TACC2: variants seen among roughly 807,000 people sequenced by gnomAD.
The protein encoded by TACC2 is transforming acidic coiled-coil-containing protein 2.
Under a neutral mutation model 227.3 loss-of-function variants are expected in TACC2, and 137 were observed. The observed-to-expected ratio is 0.60, with a 90% CI of 0.52 to 0.69. TACC2 has a LOEUF of 0.69. Among genes scored for constraint, TACC2 ranks in the 30% least tolerant of loss-of-function variants. TACC2 has a pLI of 0.00. For synonymous variants in TACC2, 1,523 were observed against 1,487.5 expected, an observed-to-expected ratio of 1.02 and a Z score of -0.55; for missense variants, 3,470 against 3,694.4, an observed-to-expected ratio of 0.94 and a Z score of 1.57.
intron 3 of TACC2, among the ~76,000 whole-genome samples, chr10:122,054,606 T>C (rs1436109704): frequency 6.6e-6 from 1 of 152,236 alleles, no homozygotes; most frequent in African/African-American, 2.4e-5. Flanking sequence ...TCAAAAATTG[T>C]TGGTCATTGG....
In TACC2 at chr10:122,083,784, T is replaced by A; in HGVS notation, c.1284T>A (p.Ala428=). The A allele has an allele frequency of 6.2e-7, 1 of 1,614,170 alleles. No individual in the cohort carries two copies. The highest frequency in any genetic ancestry group is 8.5e-7 in the Non-Finnish European group (1 of 1,180,040). ...PASSLASFPA[A]QIPIAVEEPG... ...CAAGCCTCGCTTCATTCCCAGCTGC[T>A]CAGATTCCTATTGCTGTAGAAGAAC... is the stretch of plus-strand genomic sequence containing the variant. Residue 428 remains alanine (A), a synonymous_variant, in exon 4 of 23, where the codon GCT becomes GCA. Transcript: ENST00000369005.
At position 122,050,862 on chromosome 10, in the gene TACC2, G is replaced by T. The variant is rs1368929372; in HGVS notation, c.146+312G>T. 3.3e-6 allele frequency: 1 copy of T among 303,976 alleles called. No individual in the cohort carries two copies. Among genetic ancestry groups the T allele is most frequent in the Non-Finnish European group, 6.1e-6 (1 of 163,192 alleles). 18.8% of individuals were successfully genotyped at this position (303,976 alleles called of 1,614,324 possible). ...TGGAAAACATCAAGGGTTCCCAGGG[G>T]TTTATCAGTGTCTAATCCGTGGCTA... On this transcript the variant is annotated intron_variant, in intron 3 of 22. Coordinates refer to ENST00000369005, the MANE Select transcript of TACC2 (RefSeq NM_206862.4). This position sits in a 1 kb window ranked among gnomAD's most constrained non-coding sequence, Gnocchi z 4.6.
intron 18 of TACC2, chr10:122,241,521 A>C (rs986431655): frequency 5.8e-6 from 1 of 171,046 alleles, no homozygotes; most frequent in Non-Finnish European, 1.3e-5. Context: ...GAACTCTTGG[A>C]CTCAGGCAAA....
Position 122,087,679 on chromosome 10 carries a change from G to T in TACC2, c.5179G>T (p.Ala1727Ser), listed in dbSNP as rs528054480. ...ATGTGCGTCCGGTGATCTGCCTGAA[G>T]CAGGTACTACGAGGACATTCTCCGT... ...QACASGDLPE[A>S]GTTRTFSVVA... Residue 1727 changes from alanine to serine, a missense_variant, in exon 4 of 23, where the codon GCA becomes TCA. This residue lies in a region of TACC2 where 1,924 missense variants were observed against 1,978.3 expected (regional missense o/e 0.97). Coordinates refer to ENST00000369005, the MANE Select transcript of TACC2 (RefSeq NM_206862.4). 1 of 1,613,362 alleles carries T rather than the reference G, an allele frequency of 6.2e-7. No homozygotes were observed. The highest frequency in any genetic ancestry group is 1.7e-5 in the Admixed American group (1 of 60,028).
chr10:122,112,074 G>C (rs1451285580), intron 5 of TACC2, among the ~76,000 whole-genome samples: 1 of 152,148 alleles, frequency 6.6e-6, no homozygotes, highest in Non-Finnish European at 1.5e-5. Flanking sequence ...GTTTCTTTAA[G>C]AGGAGGAAAG....
In TACC2 at chr10:122,210,924, G is replaced by A; in HGVS notation, c.6499G>A (p.Glu2167Lys). ...PDEESLVPSG[E>K]NLASETKTES... ...TGAAGAGAGCCTTGTCCCCAGTGGG[G>A]AGAATCTAGCATCTGAGACGAAAAC... Residue 2167 changes from glutamate (E) to lysine (K), a missense_variant, in exon 9 of 23, where the codon GAG becomes AAG. By Grantham distance (56) the Glu-to-Lys change is moderately conservative (BLOSUM62 1). Around this residue, in one of 10 missense-constraint regions of TACC2, gnomAD observed 593 missense variants for 636.6 expected, o/e 0.93. Transcript: ENST00000369005. This position sits in a 1 kb window ranked among gnomAD's most constrained non-coding sequence, Gnocchi z 4.6. The A allele has an allele frequency of 6.2e-7, 1 of 1,613,940 alleles. No homozygotes were observed. The highest frequency in any genetic ancestry group is 1.3e-5 in the African/African-American group (1 of 74,970).
chr10:122,073,522 ATTC>A (rs1182103351), intron 3 of TACC2, among the ~76,000 whole-genome samples: 1 of 152,168 alleles, frequency 6.6e-6, no homozygotes, highest in Non-Finnish European at 1.5e-5. Flanking sequence ...GTCCTTACCA[ATTC>A]TTCTTTTAAT....
Position 122,086,940 on chromosome 10 carries a change from A to G in TACC2, c.4440A>G (p.Gly1480=). The change falls in exon 4 of 23, where the codon GGA becomes GGG. Residue 1480 remains glycine (G), a synonymous_variant. Coordinates refer to ENST00000369005, the MANE Select transcript of TACC2 (RefSeq NM_206862.4). ...LQVEKKQQLA[G]EAEISHLALQ... ...TGGAGAAGAAGCAACAGTTGGCTGGAGAGGCTGAGATTTCCCATCTGGCTC... is the reference window on the plus strand; with the variant it reads ...TGGAGAAGAAGCAACAGTTGGCTGGGGAGGCTGAGATTTCCCATCTGGCTC... 6.2e-7 allele frequency: 1 copy of G among 1,613,968 alleles called. No individual in the cohort carries two copies. Among genetic ancestry groups the G allele is most frequent in the Non-Finnish European group, 8.5e-7 (1 of 1,180,044 alleles).
intron 7 of TACC2, chr10:122,164,114 T>G (rs1223333080): frequency 8.2e-7 from 1 of 1,226,160 alleles, no homozygotes; most frequent in East Asian, 2.6e-5. Context: ...CTGGGGTTCT[T>G]CGCAGCCTTG....
rs771396861 is a variant in TACC2, at chr10:122,083,825, G to C, written c.1325G>C (p.Arg442Thr). The C allele has an allele frequency of 6.2e-7, 1 of 1,614,192 alleles. No individual in the cohort carries two copies. The highest frequency in any genetic ancestry group is 8.5e-7 in the Non-Finnish European group (1 of 1,180,040). The change falls in exon 4 of 23, where the codon AGG (arginine) becomes ACG (threonine). Residue 442 changes from arginine (R) to threonine (T), a missense_variant. Arg to Thr is a moderately conservative substitution (Grantham distance 71). This residue lies in a region of TACC2 where 1,924 missense variants were observed against 1,978.3 expected (regional missense o/e 0.97). Transcript: ENST00000369005. The stretch of plus-strand genomic sequence containing the variant: ...GTAGAAGAACCTGGATCATCATCCA[G>C]GGAATCAGTTTCCAAGGCTGGGATG... ...IAVEEPGSSS[R>T]ESVSKAGMPV...
At chr10:122,041,438 TTTC>T (rs2074246217) in intron 2 of TACC2, among the ~76,000 whole-genome samples, 1 of 107,186 alleles carries the variant, frequency 9.3e-6, no homozygotes, top group African/African-American at 3.1e-5. Context: ...CAGAGTTTCC[TTTC>T]TTTTTTTTTT....
intron 8 of TACC2, among the ~76,000 whole-genome samples, chr10:122,204,764 G>T (rs908699275): frequency 1.3e-5 from 2 of 152,028 alleles, no homozygotes; most frequent in Non-Finnish European, 2.9e-5. Context: ...GTTCAAGGTT[G>T]CAATGAGCTA....
chr10:122,171,143 G>A (rs910994272), intron 7 of TACC2, among the ~76,000 whole-genome samples: 8 of 152,012 alleles, frequency 5.3e-5, no homozygotes, highest in Admixed American at 3.9e-4. Context: ...CCCCATGGCT[G>A]TGCAATAAAT....
In TACC2 at chr10:122,125,372, T is replaced by TA. The variant is rs1555052309; in HGVS notation, c.5574-7237_5574-7236insA. ...CACCATGCCCAGATAATTTCTTGTATTTTTTTTTAGTAGAGATTGGGTTTT... is the reference window on the plus strand; with the variant it reads ...CACCATGCCCAGATAATTTCTTGTATATTTTTTTTAGTAGAGATTGGGTTTT... On this transcript the variant is annotated intron_variant, in intron 5 of 22. Transcript: ENST00000369005. Among the ~76,000 whole-genome samples, 4 of 27,528 alleles carry TA rather than the reference T, an allele frequency of 1.5e-4. No individual in the cohort carries two copies. In the Admixed American group the frequency reaches 3.3e-3, roughly 23 times the overall value. The allele number at this position is 27,528 out of a possible 152,430, so 18.1% of individuals were successfully genotyped here.
At chr10:122,100,236 C>T (rs1011625110) in intron 5 of TACC2, among the ~76,000 whole-genome samples, 2 of 151,200 alleles carry the variant, frequency 1.3e-5, no homozygotes, top group Admixed American at 1.3e-4. Flanking sequence ...TGCACTCCAG[C>T]CTGGGCAACA....
chr10:122,144,603 C>T (rs546911627), intron 7 of TACC2, among the ~76,000 whole-genome samples: 12 of 152,228 alleles, frequency 7.9e-5, no homozygotes, highest in South Asian at 6.2e-4. Flanking sequence ...GTGCCCAAAG[C>T]GTAGACAACC....
rs1173003552 is a variant in TACC2 at position 122,142,142 on chromosome 10, C to T, written c.5700-1430C>T. Among the ~76,000 whole-genome samples the T allele has an allele frequency of 4.6e-5, 7 of 152,194 alleles. 1 individual carries two copies. The highest frequency in any genetic ancestry group is 1.4e-4 in the African/African-American group (6 of 41,442). The stretch of plus-strand genomic sequence containing the variant: ...CAAGCACTTGTAATTTTTGTTCCCC[C>T]GTGGATTGGTCTGCTCTGGGCTTTC... On this transcript the variant is annotated intron_variant, in intron 6 of 22. Coordinates refer to ENST00000369005, the MANE Select transcript of TACC2 (RefSeq NM_206862.4).
At chr10:122,241,849 C>T in intron 18 of TACC2, 109 bp from the exon 19 acceptor site, 1 of 1,006,866 alleles carries the variant, frequency 9.9e-7, no homozygotes, top group Non-Finnish European at 1.6e-6. Flanking sequence ...GAAGGTGACC[C>T]TGGAAGTTGG....
At chr10:121,993,200 T>C (rs999309328) in intron 1 of TACC2, among the ~76,000 whole-genome samples, 1 of 152,162 alleles carries the variant, frequency 6.6e-6, no homozygotes, top group African/African-American at 2.4e-5. Context: ...CCTTTGGTAT[T>C]ACAGCATTTT....
Sources: allele counts gnomAD v4.1 joint callset (sites outside exome capture counted in the v4.1 genomes callset), GRCh38; gene constraint gnomAD v4.1.1; regional missense constraint gnomAD v4.1.1; non-coding constraint Gnocchi (gnomAD v3.1); transcripts MANE v1.5; gene names NCBI Gene and HGNC (gene_info 2026-07-23, HGNC 2026-07-21).